ZRANB3: variants seen among roughly 807,000 people sequenced by gnomAD.
ZRANB3 encodes the protein DNA annealing helicase and endonuclease ZRANB3.
In ZRANB3, 125 loss-of-function variants were observed where a neutral mutation model predicts 133.8. The observed-to-expected ratio is 0.93, with a 90% CI of 0.81 to 1.08. The LOEUF (loss-of-function observed/expected upper bound fraction) is 1.08. Ranked by LOEUF, ZRANB3 falls within the 50% of genes least tolerant of loss-of-function variation. The probability of loss-of-function intolerance (pLI) is 0.00; values close to 1 mark genes in which losing one functional copy is unlikely to be tolerated. For synonymous variants in ZRANB3, 387 were observed against 432.7 expected (o/e 0.89, Z 1.31); for missense variants, 1,229 against 1,275.5 (o/e 0.96, Z 0.56).
intron 2 of ZRANB3, among the ~76,000 whole-genome samples, chr2:135,502,710 T>C (rs993923873): frequency 2.6e-5 from 4 of 152,192 alleles, no homozygotes; most frequent in African/African-American, 9.6e-5. Flanking sequence ...TAAAATATCA[T>C]TTGTGACTGA....
intron 5 of ZRANB3, 144 bp downstream of exon 5, chr2:135,349,840 G>A (rs1175959837): frequency 1.4e-5 from 9 of 627,552 alleles, no homozygotes; most frequent in Admixed American, 8.6e-5. Flanking sequence ...TAAAACATAC[G>A]TACTATCTAG....
rs1033915150 is a variant in ZRANB3 at position 135,271,928 on chromosome 2, C to T, written c.1087-41G>A. On this transcript the variant is annotated intron_variant, in intron 9 of 20. Transcript: ENST00000264159. ...AAAACGGCAAAATTAGGACAAGGCC[C>T]TATGTACCCATCTCATTTTATATAT... 49 of 1,558,182 alleles carry T rather than the reference C, an allele frequency of 3.1e-5. 1 individual carries two copies. In the Admixed American group the frequency reaches 9.5e-4, roughly 30 times the overall value.
intron 8 of ZRANB3, among the ~76,000 whole-genome samples, chr2:135,296,111 T>G (rs1342223894): frequency 1.3e-5 from 2 of 152,180 alleles, no homozygotes; most frequent in Admixed American, 6.6e-5. Flanking sequence ...TTTCCTGAAT[T>G]TGAATGTTGG....
At chr2:135,403,538 C>A (rs1687848075) in intron 2 of ZRANB3, among the ~76,000 whole-genome samples, 1 of 152,228 alleles carries the variant, frequency 6.6e-6, no homozygotes, top group South Asian at 2.1e-4. Flanking sequence ...AGGGCATTGC[C>A]AAACAAAAGG....
intron 2 of ZRANB3, among the ~76,000 whole-genome samples, chr2:135,495,533 T>C (rs565536174): frequency 1.3e-5 from 2 of 152,216 alleles, no homozygotes; most frequent in East Asian, 1.9e-4. Context: ...GTTGTTTGTG[T>C]AGAGAGAGAG....
intron 6 of ZRANB3, among the ~76,000 whole-genome samples, chr2:135,338,229 T>C (rs1684456610): frequency 6.6e-6 from 1 of 152,198 alleles, no homozygotes; most frequent in Non-Finnish European, 1.5e-5. Context: ...TTGGATATCA[T>C]GTGCCAGGTG....
chr2:135,483,841 C>CT (rs1343216422), intron 2 of ZRANB3, among the ~76,000 whole-genome samples: 1 of 152,156 alleles, frequency 6.6e-6, no homozygotes, highest in Non-Finnish European at 1.5e-5. Flanking sequence ...CAAAGAATAT[C>CT]TTTATTTCTG....
At chr2:135,216,971 T>C (rs928821210) in intron 17 of ZRANB3, among the ~76,000 whole-genome samples, 1 of 152,186 alleles carries the variant, frequency 6.6e-6, no homozygotes, top group African/African-American at 2.4e-5. Context: ...TATCTGACGG[T>C]CAACCTTTCC....
intron 2 of ZRANB3, among the ~76,000 whole-genome samples, chr2:135,455,795 C>T (rs964654360): frequency 4.5e-4 from 69 of 151,714 alleles, no homozygotes; most frequent in Non-Finnish European, 4.4e-5. Context: ...GGGGTTTCAC[C>T]GTGTTAGCCA....
At chr2:135,506,855 T>C (rs1322010339) in intron 1 of ZRANB3, among the ~76,000 whole-genome samples, 2 of 152,222 alleles carry the variant, frequency 1.3e-5, no homozygotes, top group African/African-American at 4.8e-5. Flanking sequence ...AAGCCTCCAC[T>C]GCTTCAGTAG....
At chr2:135,253,156 C>T (rs1679484695) in intron 12 of ZRANB3, among the ~76,000 whole-genome samples, 1 of 152,172 alleles carries the variant, frequency 6.6e-6, no homozygotes, top group Non-Finnish European at 1.5e-5. Context: ...TTGAAGAACC[C>T]AGCTAGAACC....
Position 135,513,887 on chromosome 2 carries a change from T to C in ZRANB3, c.-7-9391A>G, listed in dbSNP as rs1445920124. On this transcript the variant is annotated intron_variant, in intron 1 of 20. Transcript: ENST00000264159. ...CACCATTCACTAAATAGGGAATCAA[T>C]AGGAAATCCTTTCCCCATTTCTTGT... is the stretch of plus-strand genomic sequence containing the variant. 2.6e-5 allele frequency among the ~76,000 whole-genome samples: 4 copies of C among 152,184 alleles called. No homozygotes were observed. In the South Asian group the frequency reaches 8.3e-4, roughly 31 times the overall value.
intron 3 of ZRANB3, among the ~76,000 whole-genome samples, chr2:135,362,179 C>CA (rs1223205014): frequency 1.4e-4 from 19 of 139,766 alleles, no homozygotes; most frequent in Middle Eastern, 3.9e-3. Context: ...GCCTGGGCAG[C>CA]AGAGCAAGAC....
At chr2:135,315,977 T>A (rs1683232304) in intron 6 of ZRANB3, among the ~76,000 whole-genome samples, 1 of 152,180 alleles carries the variant, frequency 6.6e-6, no homozygotes, top group Non-Finnish European at 1.5e-5. Flanking sequence ...GGAGATATTA[T>A]CTCCAATAGG....
At position 135,227,994 on chromosome 2, in the gene ZRANB3, T is replaced by C. The variant is rs113847534; in HGVS notation, c.1976A>G (p.Asn659Ser). ...GSAVMQIDSLNHIQDKNEKDD... is the reference protein window; with the variant it reads ...GSAVMQIDSLSHIQDKNEKDD... Reference sequence around the variant, plus strand: ...CTTCTCGTTTTTATCCTGGATATGGTTGAGGCTATCTATTTGCATAACTAT... The same window carrying C: ...CTTCTCGTTTTTATCCTGGATATGGCTGAGGCTATCTATTTGCATAACTAT... Residue 659 changes from asparagine to serine, a missense_variant, in exon 14 of 21, where the codon AAC (asparagine) becomes AGC (serine). Physicochemically the swap from Asn to Ser is conservative, Grantham distance 46. Transcript: ENST00000264159. 796 of 1,548,918 alleles carry C rather than the reference T, an allele frequency of 5.1e-4. 4 individuals carry two copies. The African/African-American group carries it at 9.6e-3, about 19-fold the overall frequency.
At chr2:135,500,398 T>C (rs968676724) in intron 2 of ZRANB3, among the ~76,000 whole-genome samples, 1 of 152,108 alleles carries the variant, frequency 6.6e-6, no homozygotes, top group Non-Finnish European at 1.5e-5. Context: ...GTAGAATGAA[T>C]AAATTATGGT....
intron 2 of ZRANB3, among the ~76,000 whole-genome samples, chr2:135,491,536 T>TA (rs1318060440): frequency 6.7e-6 from 1 of 150,080 alleles, no homozygotes; most frequent in Non-Finnish European, 1.5e-5. Flanking sequence ...TTTTTTGAGA[T>TA]ATAGTCTCAC....
chr2:135,404,804 T>A (rs1366612224), intron 2 of ZRANB3, among the ~76,000 whole-genome samples: 4 of 152,136 alleles, frequency 2.6e-5, no homozygotes, highest in African/African-American at 9.7e-5. Context: ...TATTCAACAT[T>A]CTTAAAGAAA....
At chr2:135,338,535 T>C (rs965664101) in intron 6 of ZRANB3, among the ~76,000 whole-genome samples, 1 of 152,238 alleles carries the variant, frequency 6.6e-6, no homozygotes, top group Non-Finnish European at 1.5e-5. Context: ...GGCTACCATG[T>C]TGACAATTTC....
Sources: allele counts gnomAD v4.1 joint callset (sites outside exome capture counted in the v4.1 genomes callset), GRCh38; gene constraint gnomAD v4.1.1; transcripts MANE v1.5; gene names NCBI Gene and HGNC (gene_info 2026-07-23, HGNC 2026-07-21).